The following EBF1 variants were observed in gnomAD, a reference collection of about 807,000 sequenced individuals.
EBF1 encodes transcription factor COE1.
Under a neutral mutation model 68.4 loss-of-function variants are expected in EBF1, and 10 were observed. The ratio of observed to expected loss-of-function variants is 0.15; its 90% CI spans 0.09 to 0.25. EBF1 has a LOEUF of 0.25. EBF1 is among the 10% of genes least tolerant of loss of function. The pLI, the probability that EBF1 is intolerant of heterozygous loss-of-function variation, is 1.00. For synonymous variants in EBF1, 298 were observed against 299.8 expected (o/e 0.99, Z 0.06); for missense variants, 509 against 794.4 (o/e 0.64, Z 4.32).
At chr5:158,898,551 T>C (rs1802622297) in intron 6 of EBF1, among the ~76,000 whole-genome samples, 1 of 152,246 alleles carries the variant, frequency 6.6e-6, no homozygotes, top group South Asian at 2.1e-4. Context: ...CAGAGGTTTT[T>C]CTAACTGGGA....
chr5:158,711,972 G>A (rs1413353699), intron 14 of EBF1, among the ~76,000 whole-genome samples, 182 bp downstream of exon 14: 2 of 152,214 alleles, frequency 1.3e-5, no homozygotes, highest in African/African-American at 4.8e-5. Context: ...GGTGAGCACT[G>A]GAGAGCGGAG....
rs74564391 is a variant in EBF1 at position 158,732,252 on chromosome 5, G to A, written c.1037-1095C>T. ...TACATTAAAAAACAAGTTGCCACACGTTTTGCTTAAAATGCATTTCCATTA... is the reference window on the plus strand; with the variant it reads ...TACATTAAAAAACAAGTTGCCACACATTTTGCTTAAAATGCATTTCCATTA... On this transcript the variant is annotated intron_variant, in intron 10 of 15. Transcript: ENST00000313708. 7.2e-5 allele frequency among the ~76,000 whole-genome samples: 11 copies of A among 152,212 alleles called. No homozygotes were observed. In the East Asian group the frequency reaches 1.5e-3, roughly 21 times the overall value.
chr5:159,074,234 A>T (rs1385353844), intron 5 of EBF1, among the ~76,000 whole-genome samples: 2 of 152,200 alleles, frequency 1.3e-5, no homozygotes, highest in Non-Finnish European at 1.5e-5. Context: ...AGTACCTATT[A>T]CTAAAATCTC....
At chr5:158,863,089 C>G (rs889457640) in intron 6 of EBF1, among the ~76,000 whole-genome samples, 2 of 152,116 alleles carry the variant, frequency 1.3e-5, no homozygotes, top group Non-Finnish European at 2.9e-5. Context: ...ATCTCTTGTC[C>G]CCTATCCTTT....
chr5:158,781,478 C>A (rs1776440431), intron 9 of EBF1, among the ~76,000 whole-genome samples: 1 of 152,090 alleles, frequency 6.6e-6, no homozygotes, highest in South Asian at 2.1e-4. Context: ...GGCTAAGCAT[C>A]AAATTTTATT....
At chr5:159,050,175 TCTCTC>T (rs1773272521) in intron 6 of EBF1, among the ~76,000 whole-genome samples, 2 of 147,854 alleles carry the variant, frequency 1.4e-5, no homozygotes, top group Admixed American at 1.3e-4. Flanking sequence ...TCTCTCTCTC[TCTCTC>T]TTCTCTCTTT....
intron 6 of EBF1, among the ~76,000 whole-genome samples, chr5:158,906,794 T>C (rs1006105327): frequency 6.6e-5 from 10 of 152,252 alleles, no homozygotes; most frequent in African/African-American, 2.4e-4. Context: ...GATTGAATTC[T>C]ATCTTGAAAT....
At chr5:158,850,906 C>T (rs1792509968) in intron 6 of EBF1, among the ~76,000 whole-genome samples, 1 of 151,918 alleles carries the variant, frequency 6.6e-6, no homozygotes, top group Non-Finnish European at 1.5e-5. Flanking sequence ...ATTCTGGAGG[C>T]TGAGGCAAGA....
At chr5:159,039,153 G>A (rs1277968457) in intron 6 of EBF1, among the ~76,000 whole-genome samples, 1 of 152,206 alleles carries the variant, frequency 6.6e-6, no homozygotes, top group African/African-American at 2.4e-5. Flanking sequence ...TGCACGTGCT[G>A]GCTCACAAGT....
chr5:159,062,098 A>G (rs1370298106), intron 6 of EBF1, among the ~76,000 whole-genome samples: 1 of 152,200 alleles, frequency 6.6e-6, no homozygotes, highest in Non-Finnish European at 1.5e-5. Context: ...GGAAGAAGAG[A>G]TGGGCTCAAT....
intron 4 of EBF1, among the ~76,000 whole-genome samples, chr5:159,088,282 G>A (rs931281219): frequency 1.3e-5 from 2 of 152,130 alleles, no homozygotes; most frequent in African/African-American, 2.4e-5. Flanking sequence ...GAATGTCTCT[G>A]ATGCAGAGTG....
At chr5:158,733,453 T>C (rs1227638675) in intron 10 of EBF1, among the ~76,000 whole-genome samples, 1 of 152,118 alleles carries the variant, frequency 6.6e-6, no homozygotes, top group Non-Finnish European at 1.5e-5. Context: ...GGGAGAGAGA[T>C]GTTTCTCCGG....
intron 6 of EBF1, among the ~76,000 whole-genome samples, chr5:159,021,448 G>A (rs1402537849): frequency 6.6e-6 from 1 of 152,186 alleles, no homozygotes; most frequent in Non-Finnish European, 1.5e-5. Context: ...GTTCCAAACA[G>A]AACAACCACC....
At position 158,925,604 on chromosome 5, in the gene EBF1, C is replaced by T. The variant is rs546390859; in HGVS notation, c.555-85494G>A. Among the ~76,000 whole-genome samples, 5 of 152,332 alleles carry T rather than the reference C, an allele frequency of 3.3e-5. No homozygotes were observed. The South Asian group carries it at 1.0e-3, about 32-fold the overall frequency. On this transcript the variant is annotated intron_variant, in intron 6 of 15. Transcript: ENST00000313708. ...AAGGCTGAAGCTCCAGCAACTCTCTCTGATGGTTAGGTGACCTTGGGAATT... is the reference window on the plus strand; with the variant it reads ...AAGGCTGAAGCTCCAGCAACTCTCTTTGATGGTTAGGTGACCTTGGGAATT...
At chr5:159,097,624 G>A (rs1217783121) in intron 1 of EBF1, 3 of 235,862 alleles carry the variant, frequency 1.3e-5, no homozygotes, top group Non-Finnish European at 2.5e-5. Flanking sequence ...CTCAAGCTCT[G>A]GCCAACTGCG....
chr5:158,790,587 A>G, intron 9 of EBF1, among the ~76,000 whole-genome samples: 1 of 152,200 alleles, frequency 6.6e-6, no homozygotes, highest in Non-Finnish European at 1.5e-5. Context: ...TAGTACCTCA[A>G]ACGTTGTGCA....
chr5:159,096,064 G>C (rs1331509762), intron 3 of EBF1, among the ~76,000 whole-genome samples: 1 of 152,252 alleles, frequency 6.6e-6, no homozygotes, highest in African/African-American at 2.4e-5. Context: ...CAAGCCAAAG[G>C]AACAGGCCTC....
At chr5:159,027,389 AC>A (rs1442209393) in intron 6 of EBF1, among the ~76,000 whole-genome samples, 18 of 152,158 alleles carry the variant, frequency 1.2e-4, no homozygotes, top group Non-Finnish European at 1.5e-4. Flanking sequence ...GCCTTCTCAG[AC>A]CACTGTTCAT....
intron 6 of EBF1, 24 bp from the exon 7 acceptor site, chr5:158,840,134 G>C (rs1231954808): frequency 6.3e-7 from 1 of 1,595,336 alleles, no homozygotes; most frequent in Non-Finnish European, 8.6e-7. Flanking sequence ...AATCATCATG[G>C]TTAGCATTTC....
Sources: gnomAD v4.1 joint callset for allele counts (sites outside exome capture counted in the v4.1 genomes callset) on GRCh38, gnomAD v4.1.1 for gene constraint, MANE v1.5 for transcripts, NCBI Gene and HGNC (gene_info 2026-07-23, HGNC 2026-07-21) for gene names.